The following ADGRV1 variants were observed in gnomAD, a reference collection of about 807,000 sequenced individuals.
The protein encoded by ADGRV1 is adhesion G protein-coupled receptor V1.
Under a neutral mutation model 596.2 loss-of-function variants are expected in ADGRV1, and 359 were observed. That is an observed-to-expected ratio of 0.60 (90% CI 0.55 to 0.66). The LOEUF (loss-of-function observed/expected upper bound fraction) is 0.66, where lower values mean the gene tolerates loss of function less well. Ranked by LOEUF, ADGRV1 falls within the 30% of genes least tolerant of loss-of-function variation. ADGRV1 has a pLI of 0.00. For missense variants in ADGRV1, 7,274 were observed against 7,575.6 expected (o/e 0.96, Z 1.48); for synonymous variants, 2,681 against 2,679.2 (o/e 1.00, Z -0.02).
At chr5:90,812,559 A>G (rs1561785418) in intron 74 of ADGRV1, among the ~76,000 whole-genome samples, 1 of 152,212 alleles carries the variant, frequency 6.6e-6, no homozygotes, top group Non-Finnish European at 1.5e-5. Context: ...TCTGTGCAAT[A>G]GACCTCAAAA....
At chr5:90,983,278 A>G (rs899646022) in intron 84 of ADGRV1, among the ~76,000 whole-genome samples, 3 of 152,212 alleles carry the variant, frequency 2.0e-5, no homozygotes, top group African/African-American at 7.2e-5. Context: ...TCTCAGTCTT[A>G]TCTGAGCCTG....
chr5:90,944,033 A>G (rs867348560), intron 83 of ADGRV1, among the ~76,000 whole-genome samples: 6 of 152,158 alleles, frequency 3.9e-5, no homozygotes, highest in Admixed American at 6.5e-5. Flanking sequence ...TTGTAGTTAT[A>G]TATTAATTTG....
intron 15 of ADGRV1, 84 bp from the exon 16 acceptor site, chr5:90,645,884 T>TA (rs921115242): frequency 1.1e-5 from 12 of 1,134,340 alleles, no homozygotes; most frequent in African/African-American, 1.6e-5. Context: ...GGTGCTTTTT[T>TA]AAAAAAACTG....
chr5:90,882,201 T>C (rs940199414), intron 83 of ADGRV1, among the ~76,000 whole-genome samples: 1 of 152,250 alleles, frequency 6.6e-6, no homozygotes, highest in Non-Finnish European at 1.5e-5. Flanking sequence ...GATATTTTGC[T>C]ATACTATAAT....
At chr5:90,787,152 G>A (rs1759539109) in intron 67 of ADGRV1, among the ~76,000 whole-genome samples, 1 of 152,144 alleles carries the variant, frequency 6.6e-6, no homozygotes, top group African/African-American at 2.4e-5. Context: ...GTTTCAAGAA[G>A]GAAATAGTCA....
At chr5:90,650,539 T>C (rs1768444343) in intron 17 of ADGRV1, among the ~76,000 whole-genome samples, 1 of 152,192 alleles carries the variant, frequency 6.6e-6, no homozygotes, top group Non-Finnish European at 1.5e-5. Context: ...ATATAAAATT[T>C]GTTTCTATAA....
chr5:90,986,986 A>G (rs1364740270), intron 85 of ADGRV1, among the ~76,000 whole-genome samples: 1 of 152,210 alleles, frequency 6.6e-6, no homozygotes, highest in African/African-American at 2.4e-5. Context: ...TGAATGTAAT[A>G]TTAATTAGAA....
chr5:90,965,913 G>T (rs1369799259), intron 84 of ADGRV1, among the ~76,000 whole-genome samples: 1 of 152,192 alleles, frequency 6.6e-6, no homozygotes, highest in Non-Finnish European at 1.5e-5. Flanking sequence ...GTGAATATGA[G>T]ACAGGAAAGA....
chr5:90,927,216 T>G (rs1276936268), intron 83 of ADGRV1, among the ~76,000 whole-genome samples: 2 of 148,570 alleles, frequency 1.3e-5, no homozygotes, highest in African/African-American at 2.6e-5. Flanking sequence ...GTTGATCTGT[T>G]TAATGTTGAC....
intron 1 of ADGRV1, chr5:90,614,156 A>T (rs1417395717): frequency 1.1e-4 from 6 of 52,596 alleles, no homozygotes; most frequent in Middle Eastern, 5.7e-3. Flanking sequence ...TATCATAGTG[A>T]AAAAAAAAAA....
intron 34 of ADGRV1, among the ~76,000 whole-genome samples, chr5:90,700,243 A>G (rs116691038): frequency 0.018 from 2,774 of 152,300 alleles, 35 homozygotes; most frequent in Middle Eastern, 0.048. Flanking sequence ...TAATTGTGCC[A>G]TGTGAGCTTT....
At chr5:91,070,374 CT>C (rs1246909249) in intron 85 of ADGRV1, among the ~76,000 whole-genome samples, 2 of 152,156 alleles carry the variant, frequency 1.3e-5, no homozygotes, top group African/African-American at 4.8e-5. Flanking sequence ...GTGATTCCCC[CT>C]GAGTTGTCTT....
In ADGRV1 at chr5:90,791,344, C is replaced by G. The variant is rs79464236; in HGVS notation, c.14515C>G (p.Gln4839Glu). The G allele has an allele frequency of 1.7e-3, 2,697 of 1,547,346 alleles. 55 individuals carry two copies. In the East Asian group the frequency reaches 0.037, roughly 21 times the overall value. Residue 4839 changes from glutamine to glutamate, a missense_variant and splice_region_variant, in exon 70 of 90, where the codon CAG becomes GAG. By Grantham distance (29) the Gln-to-Glu change is conservative. Around this residue, in one of 5 missense-constraint regions of ADGRV1, gnomAD observed 1,874 missense variants for 1,970.2 expected, o/e 0.95. Transcript: ENST00000405460. ...YKVDVVPIKN[Q>E]VFLSLGSNFT... Reference sequence around the variant, plus strand: ...AGTGGACGTGGTGCCAATAAAGAATCAGGTTTGTGGCATTTCTTCAGTTTC... The same window carrying G: ...AGTGGACGTGGTGCCAATAAAGAATGAGGTTTGTGGCATTTCTTCAGTTTC...
chr5:90,655,772 A>G (rs1307759393), intron 20 of ADGRV1: 2 of 152,192 alleles, frequency 1.3e-5, no homozygotes, highest in Non-Finnish European at 2.9e-5. Flanking sequence ...AAAAAAAATA[A>G]TGCTGTGTTC....
In ADGRV1 at chr5:90,725,664, T is replaced by G; in HGVS notation, c.10161+8T>G. On this transcript the variant is annotated splice_region_variant and intron_variant, in intron 48 of 89. Coordinates refer to ENST00000405460, the MANE Select transcript of ADGRV1 (RefSeq NM_032119.4). The stretch of plus-strand genomic sequence containing the variant: ...GATTCCGAATTAACTCAGGTTTGAT[T>G]CTTTTAAAATGAAGTGGGTTTTTTT... The G allele has an allele frequency of 7.4e-7, 1 of 1,357,670 alleles. No homozygotes were observed. Among genetic ancestry groups the G allele is most frequent in the Non-Finnish European group, 1.0e-6 (1 of 962,316 alleles). 84.1% of individuals were successfully genotyped at this position (1,357,670 alleles called of 1,614,324 possible). A position where few individuals can be genotyped will look rare whatever the true frequency, so the allele number is the denominator to read the frequency against.
chr5:90,587,927 C>T (rs1758989268), intron 1 of ADGRV1, among the ~76,000 whole-genome samples: 1 of 152,094 alleles, frequency 6.6e-6, no homozygotes, highest in South Asian at 2.1e-4. Flanking sequence ...TATATATCTA[C>T]AGTATATAAA....
chr5:90,878,217 A>C (rs984496942), intron 83 of ADGRV1, among the ~76,000 whole-genome samples: 4 of 152,220 alleles, frequency 2.6e-5, no homozygotes, highest in African/African-American at 9.6e-5. Context: ...AGCTGAATTC[A>C]AACAGTTTTG....
intron 78 of ADGRV1, among the ~76,000 whole-genome samples, chr5:90,844,017 A>C (rs1235508813): frequency 6.6e-6 from 1 of 152,240 alleles, no homozygotes; most frequent in East Asian, 1.9e-4. Flanking sequence ...TTTGAATTTC[A>C]GATAAACCAC....
At chr5:90,755,648 TC>T (rs1290244853) in intron 55 of ADGRV1, among the ~76,000 whole-genome samples, 2 of 151,736 alleles carry the variant, frequency 1.3e-5, no homozygotes, top group African/African-American at 4.8e-5. Context: ...TCTGTATTTA[TC>T]CATGTATGTA....
Sources: allele counts gnomAD v4.1 joint callset (sites outside exome capture counted in the v4.1 genomes callset), GRCh38; gene constraint gnomAD v4.1.1; regional missense constraint gnomAD v4.1.1; transcripts MANE v1.5; gene names NCBI Gene and HGNC (gene_info 2026-07-23, HGNC 2026-07-21).